ZNF189: variants seen among roughly 807,000 people sequenced by gnomAD.
ZNF189 encodes the protein zinc finger protein 189.
A neutral mutation model predicts 53.5 loss-of-function variants in ZNF189; 33 were observed. That is an observed-to-expected ratio of 0.62 (90% CI 0.47 to 0.82). The LOEUF (loss-of-function observed/expected upper bound fraction) is 0.82. Among genes scored for constraint, ZNF189 ranks in the 40% least tolerant of loss-of-function variants. The probability of loss-of-function intolerance (pLI) is 0.00; values close to 1 mark genes in which losing one functional copy is unlikely to be tolerated. For missense variants in ZNF189, 711 were observed against 753.9 expected, an observed-to-expected ratio of 0.94 and a Z score of 0.67; for synonymous variants, 247 against 238.8, an observed-to-expected ratio of 1.03 and a Z score of -0.32.
chr9:101,400,305 G>A (rs931662521), intron 2 of ZNF189, among the ~76,000 whole-genome samples: 6 of 152,070 alleles, frequency 3.9e-5, no homozygotes, highest in African/African-American at 1.4e-4. Context: ...CTGCGTTCTG[G>A]AACCCCTGTT....
At chr9:101,407,422 A>G (rs1269876492) in intron 2 of ZNF189, 2 of 398,116 alleles carry the variant, frequency 5.0e-6, no homozygotes, top group Non-Finnish European at 8.8e-6. Flanking sequence ...GTCTCACTCT[A>G]TTGCCTAGGC....
chr9:101,405,699 T>C (rs1342654333), intron 2 of ZNF189, among the ~76,000 whole-genome samples: 1 of 152,078 alleles, frequency 6.6e-6, no homozygotes. Context: ...AATGTGGTAG[T>C]GTAGAAACCA....
intron 2 of ZNF189, among the ~76,000 whole-genome samples, chr9:101,403,098 ATGTGTG>A (rs3983733): frequency 3.4e-5 from 5 of 148,570 alleles, no homozygotes; most frequent in Admixed American, 1.3e-4. Context: ...AGCTGCTGAT[ATGTGTG>A]TGTGTGTGTG....
At chr9:101,407,880 T>G in intron 2 of ZNF189, 49 bp from the exon 3 acceptor site, 1 of 1,459,316 alleles carries the variant, frequency 6.9e-7, no homozygotes, top group Non-Finnish European at 9.0e-7. Context: ...TGTTTCTCCT[T>G]GCTTCAAAGA....
chr9:101,407,472 A>G (rs1207640845), intron 2 of ZNF189: 5 of 398,970 alleles, frequency 1.3e-5, no homozygotes, highest in African/African-American at 4.1e-5. Context: ...TGCAGCCTCA[A>G]CCTGTTGGGC....
At chr9:101,399,503 GTT>G (rs1830451048) in intron 1 of ZNF189, 2 of 1,289,210 alleles carry the variant, frequency 1.6e-6, no homozygotes, top group Non-Finnish European at 2.0e-6. Context: ...TGTGTCTTCT[GTT>G]CCTGGCACAG....
chr9:101,410,255 G>A lies in ZNF189; in HGVS notation c.*606G>A, dbSNP rs775168968. 2 of 152,616 alleles carry A rather than the reference G, an allele frequency of 1.3e-5. No individual in the cohort carries two copies. The highest frequency in any genetic ancestry group is 2.9e-5 in the Non-Finnish European group (2 of 68,038). 9.5% of individuals were successfully genotyped at this position (152,616 alleles called of 1,614,324 possible). A position where few individuals can be genotyped will look rare whatever the true frequency, so the allele number is the denominator to read the frequency against. On this transcript the variant is annotated 3_prime_UTR_variant, in exon 3 of 3. Transcript: ENST00000339664. ...CATTAACCTTACATGTAAAGATTAT[G>A]TTAGTAATTAAGAAACCTAACAAAG...
chr9:101,409,537 A>G lies in ZNF189; in HGVS notation c.1769A>G (p.His590Arg). 1 of 1,614,134 alleles carries G rather than the reference A, an allele frequency of 6.2e-7. No homozygotes were observed. The highest frequency in any genetic ancestry group is 8.5e-7 in the Non-Finnish European group (1 of 1,179,990). ...QRSLVNHQKI[H>R]AEVKTQETHE... is the part of the protein sequence containing the mutation. ...AGTCTTGTCAACCATCAGAAGATCC[A>G]TGCAGAGGTGAAAACCCAAGAAACC... Residue 590 changes from histidine to arginine, a missense_variant, in exon 3 of 3, where the codon CAT (histidine) becomes CGT (arginine). Coordinates refer to ENST00000339664, the MANE Select transcript of ZNF189 (RefSeq NM_003452.4).
rs569628834 is a variant in ZNF189, at chr9:101,409,364, T to C, written c.1596T>C (p.Gly532=). ...SQLCNLIRHQ[G]VHTGNKPHKC... ...TTTGTAATCTTATTCGACATCAGGGTGTTCACACAGGTAATAAACCCCATA... is the reference window on the plus strand; with the variant it reads ...TTTGTAATCTTATTCGACATCAGGGCGTTCACACAGGTAATAAACCCCATA... The change falls in exon 3 of 3, where the codon GGT becomes GGC. Residue 532 remains glycine, a synonymous_variant. Transcript: ENST00000339664. 3 of 1,613,802 alleles carry C rather than the reference T, an allele frequency of 1.9e-6. No individual in the cohort carries two copies. Among genetic ancestry groups the C allele is most frequent in the Non-Finnish European group, 2.5e-6 (3 of 1,179,932 alleles).
intron 1 of ZNF189, 22 bp downstream of exon 1, chr9:101,399,211 G>C (rs1291919902): frequency 5.7e-6 from 9 of 1,575,134 alleles, no homozygotes; most frequent in East Asian, 2.3e-5. Context: ...CCCCCCCGGG[G>C]ATCCCGGTTG....
At chr9:101,406,381 G>T (rs1185882839) in intron 2 of ZNF189, among the ~76,000 whole-genome samples, 3 of 152,170 alleles carry the variant, frequency 2.0e-5, no homozygotes, top group Admixed American at 2.0e-4. Flanking sequence ...CCAGAGGTGA[G>T]TAGGATCGGT....
Position 101,409,783 on chromosome 9 carries a change from C to G in ZNF189, c.*134C>G. The G allele has an allele frequency of 9.8e-7, 1 of 1,023,252 alleles. No homozygotes were observed. Among genetic ancestry groups the G allele is most frequent in the South Asian group, 1.8e-5 (1 of 56,566 alleles). The allele number at this position is 1,023,252 out of a possible 1,614,324, so 63.4% of individuals were successfully genotyped here. Reference sequence around the variant, plus strand: ...CTCAGGCAAATAGTTTCTAAAGATTCTGTGAATAGTGGACAACTGCCCATG... The same window carrying G: ...CTCAGGCAAATAGTTTCTAAAGATTGTGTGAATAGTGGACAACTGCCCATG... On this transcript the variant is annotated 3_prime_UTR_variant, in exon 3 of 3. Transcript: ENST00000339664.
chr9:101,399,319 A>ACTCC, intron 1 of ZNF189, 130 bp downstream of exon 1: 1 of 1,413,538 alleles, frequency 7.1e-7, no homozygotes, highest in Non-Finnish European at 9.3e-7. Flanking sequence ...CTTGCAAGGA[A>ACTCC]CTCCCCACTA....
Position 101,408,072 on chromosome 9 carries a change from G to C in ZNF189, c.304G>C (p.Glu102Gln). The C allele has an allele frequency of 6.2e-7, 1 of 1,613,988 alleles. No homozygotes were observed. Among genetic ancestry groups the C allele is most frequent in the Non-Finnish European group, 8.5e-7 (1 of 1,179,978 alleles). Residue 102 changes from glutamate to glutamine, a missense_variant, in exon 3 of 3, where the codon GAA (glutamate) becomes CAA (glutamine). Glu to Gln is a conservative substitution (Grantham distance 29). Transcript: ENST00000339664. The part of the protein sequence containing the change: ...DQDPMGRETF[E>Q]LVGRLDKQRG... Reference sequence around the variant, plus strand: ...GGATCCTATGGGTAGAGAAACATTTGAACTTGTTGGTAGGTTAGATAAACA... The same window carrying C: ...GGATCCTATGGGTAGAGAAACATTTCAACTTGTTGGTAGGTTAGATAAACA...
Position 101,408,434 on chromosome 9 carries a change from T to G in ZNF189, c.666T>G (p.His222Gln). 6.2e-7 allele frequency: 1 copy of G among 1,613,374 alleles called. No homozygotes were observed. The stretch of plus-strand genomic sequence containing the variant: ...GTGTGAGCTCAACCCTTATTAGACA[T>G]CAGAGAATCCACACTGGAGAAAGAC... ...TFSVSSTLIR[H>Q]QRIHTGERPY... Residue 222 changes from histidine (H) to glutamine (Q), a missense_variant, in exon 3 of 3, where the codon CAT (histidine) becomes CAG (glutamine). By Grantham distance (24) the His-to-Gln change is conservative. Coordinates refer to ENST00000339664, the MANE Select transcript of ZNF189 (RefSeq NM_003452.4).
At chr9:101,402,263 T>C (rs954674061) in intron 2 of ZNF189, among the ~76,000 whole-genome samples, 1 of 152,068 alleles carries the variant, frequency 6.6e-6, no homozygotes, top group East Asian at 1.9e-4. Context: ...CCTAACTGCC[T>C]AGGTTTAAAT....
chr9:101,400,597 C>A (rs1227902933), intron 2 of ZNF189, among the ~76,000 whole-genome samples: 3 of 152,230 alleles, frequency 2.0e-5, no homozygotes, highest in Non-Finnish European at 4.4e-5. Flanking sequence ...CACTATCTGT[C>A]AACTTTTAGT....
rs1564073050 is a variant in ZNF189, at chr9:101,409,615, A to C, written c.1847A>C (p.Gln616Pro). ...TTTAATTGCCGTATTTCTCTTATTC[A>C]GCATCAGAAATTGCACACAGCATGG... ...EAFNCRISLI[Q>P]HQKLHTAWMQ The change falls in exon 3 of 3, where the codon CAG becomes CCG. Residue 616 changes from glutamine (Q) to proline (P), a missense_variant. Coordinates refer to ENST00000339664, the MANE Select transcript of ZNF189 (RefSeq NM_003452.4). 1 of 1,611,472 alleles carries C rather than the reference A, an allele frequency of 6.2e-7. No homozygotes were observed. The highest frequency in any genetic ancestry group is 8.5e-7 in the Non-Finnish European group (1 of 1,179,278).
In ZNF189 at chr9:101,409,354, G is replaced by A. The variant is rs764505772; in HGVS notation, c.1586G>A (p.Arg529Gln). The A allele has an allele frequency of 1.5e-5, 24 of 1,613,964 alleles. No homozygotes were observed. The highest frequency in any genetic ancestry group is 4.4e-5 in the South Asian group (4 of 91,084). ...TTTAGTCAGCTTTGTAATCTTATTC[G>A]ACATCAGGGTGTTCACACAGGTAAT... is the stretch of plus-strand genomic sequence containing the variant. ...KSFSQLCNLI[R>Q]HQGVHTGNKP... Residue 529 changes from arginine (R) to glutamine (Q), a missense_variant, in exon 3 of 3, where the codon CGA becomes CAA. Physicochemically the swap from Arg to Gln is conservative, Grantham distance 43. Coordinates refer to ENST00000339664, the MANE Select transcript of ZNF189 (RefSeq NM_003452.4).
Sources: gnomAD v4.1 joint callset for allele counts (sites outside exome capture counted in the v4.1 genomes callset) on GRCh38, gnomAD v4.1.1 for gene constraint, MANE v1.5 for transcripts, NCBI Gene and HGNC (gene_info 2026-07-23, HGNC 2026-07-21) for gene names.